The following TTLL5 variants were observed in gnomAD, a reference collection of about 807,000 sequenced individuals.
TTLL5 encodes tubulin polyglutamylase TTLL5.
In TTLL5, 132 loss-of-function variants were observed where a neutral mutation model predicts 168.4. The observed-to-expected ratio is 0.78, with a 90% confidence interval of 0.68 to 0.91. The LOEUF is 0.91. Among genes scored for constraint, TTLL5 ranks in the 40% least tolerant of loss-of-function variants. TTLL5 has a pLI of 0.00. For missense variants in TTLL5, 1,545 were observed against 1,581.5 expected, an observed-to-expected ratio of 0.98 and a Z score of 0.39; for synonymous variants, 546 against 558.6, an observed-to-expected ratio of 0.98 and a Z score of 0.32.
chr14:75,808,294 G>A (rs1005036884), intron 27 of TTLL5, among the ~76,000 whole-genome samples: 7 of 152,124 alleles, frequency 4.6e-5, no homozygotes, highest in Non-Finnish European at 8.8e-5. Flanking sequence ...TTAGTGCTGA[G>A]GTATTGGAAC....
chr14:75,698,905 TAAA>T (rs79334798), intron 6 of TTLL5, among the ~76,000 whole-genome samples: 1 of 139,884 alleles, frequency 7.1e-6, no homozygotes, highest in African/African-American at 2.6e-5. Flanking sequence ...GACCCTGCCT[TAAA>T]AAAAAAAAAA....
At chr14:75,951,188 T>G (rs1366015549) in intron 31 of TTLL5, among the ~76,000 whole-genome samples, 1 of 150,314 alleles carries the variant, frequency 6.7e-6, no homozygotes, top group Non-Finnish European at 1.5e-5. Flanking sequence ...TGCAAAAAAA[T>G]AGAGAAAAAA....
At chr14:75,932,389 G>T (rs551855091) in intron 31 of TTLL5, among the ~76,000 whole-genome samples, 1 of 152,260 alleles carries the variant, frequency 6.6e-6, no homozygotes, top group East Asian at 1.9e-4. Context: ...AAATCATTTA[G>T]AATTGACTCA....
intron 30 of TTLL5, chr14:75,886,876 G>A: frequency 6.7e-7 from 1 of 1,481,686 alleles, no homozygotes; most frequent in Non-Finnish European, 8.9e-7. Context: ...AACCTGAGGA[G>A]ATTGAAGTTT....
At chr14:75,727,224 G>A (rs1888240207) in intron 12 of TTLL5, among the ~76,000 whole-genome samples, 2 of 152,092 alleles carry the variant, frequency 1.3e-5, no homozygotes, top group African/African-American at 2.4e-5. Context: ...ATGTTTATAC[G>A]AATATCTGTA....
At chr14:75,904,078 C>T in intron 31 of TTLL5, 8 of 1,223,416 alleles carry the variant, frequency 6.5e-6, no homozygotes, top group South Asian at 2.9e-5. Context: ...CCTGCTCATG[C>T]CCCAGTTCCC....
intron 15 of TTLL5, among the ~76,000 whole-genome samples, chr14:75,742,251 A>T (rs1188768512): frequency 2.6e-5 from 4 of 151,922 alleles, no homozygotes; most frequent in African/African-American, 9.7e-5. Flanking sequence ...TTTGTTTCTT[A>T]CTCTCTCTTT....
chr14:75,870,072 G>T (rs560438875), intron 29 of TTLL5, among the ~76,000 whole-genome samples: 2 of 151,776 alleles, frequency 1.3e-5, no homozygotes, highest in Non-Finnish European at 2.9e-5. Flanking sequence ...ACCCACCTTC[G>T]CCTCCAAAAG....
At chr14:75,901,118 C>G (rs1004787368) in intron 30 of TTLL5, among the ~76,000 whole-genome samples, 9 of 151,922 alleles carry the variant, frequency 5.9e-5, no homozygotes, top group African/African-American at 1.9e-4. Flanking sequence ...GGCAGATAGA[C>G]CCAACAAAAA....
intron 24 of TTLL5, among the ~76,000 whole-genome samples, chr14:75,781,920 G>C (rs10151856): frequency 0.013 from 1,863 of 141,606 alleles, 30 homozygotes; most frequent in African/African-American, 0.033. Flanking sequence ...GCGCAATTGC[G>C]CTCCAGCCTA....
At chr14:75,809,385 C>T (rs1395085187) in intron 27 of TTLL5, among the ~76,000 whole-genome samples, 10 of 152,062 alleles carry the variant, frequency 6.6e-5, no homozygotes, top group Non-Finnish European at 1.5e-4. Context: ...TTATATATTT[C>T]AGTGATAGCC....
At chr14:75,799,423 A>T (rs1893164237) in intron 27 of TTLL5, among the ~76,000 whole-genome samples, 1 of 152,102 alleles carries the variant, frequency 6.6e-6, no homozygotes, top group African/African-American at 2.4e-5. Flanking sequence ...AAGACAGCAG[A>T]TTTTGTATCT....
chr14:75,921,511 G>A (rs962987071), intron 31 of TTLL5, among the ~76,000 whole-genome samples: 3 of 152,132 alleles, frequency 2.0e-5, no homozygotes, highest in African/African-American at 4.8e-5. Flanking sequence ...TTTTTGTCAG[G>A]TTTGTCAAAG....
At chr14:75,743,465 G>T (rs1889389907) in intron 15 of TTLL5, among the ~76,000 whole-genome samples, 1 of 150,720 alleles carries the variant, frequency 6.6e-6, no homozygotes, top group African/African-American at 2.4e-5. Context: ...TCTTTTTTCT[G>T]TTGGCTTATA....
At chr14:75,795,132 A>G (rs1047059774) in intron 27 of TTLL5, among the ~76,000 whole-genome samples, 3 of 151,960 alleles carry the variant, frequency 2.0e-5, no homozygotes, top group Non-Finnish European at 2.9e-5. Context: ...AGTTCACTCT[A>G]CTGTTCTCCT....
At chr14:75,679,154 A>G (rs545727235) in intron 3 of TTLL5, among the ~76,000 whole-genome samples, 2 of 152,340 alleles carry the variant, frequency 1.3e-5, no homozygotes, top group African/African-American at 2.4e-5. Context: ...TAAGGTTTAG[A>G]TGGAATTAAA....
intron 5 of TTLL5, among the ~76,000 whole-genome samples, chr14:75,688,963 G>A (rs1336442419): frequency 6.6e-6 from 1 of 152,154 alleles, no homozygotes; most frequent in Non-Finnish European, 1.5e-5. Flanking sequence ...TTTTCAAAAG[G>A]TTTAACTTAA....
At chr14:75,873,884 T>C (rs372856091) in intron 29 of TTLL5, among the ~76,000 whole-genome samples, 7 of 152,238 alleles carry the variant, frequency 4.6e-5, no homozygotes, top group African/African-American at 1.7e-4. Context: ...GAAACAGAAA[T>C]TGATTAAAAT....
intron 17 of TTLL5, 23 bp from the exon 18 acceptor site, chr14:75,752,870 C>G (rs758814161): frequency 3.7e-6 from 6 of 1,608,782 alleles, no homozygotes; most frequent in Non-Finnish European, 5.1e-6. Context: ...AAGAAATAAC[C>G]AGTTTCTTTC....
Sources: gnomAD v4.1 joint callset for allele counts (sites outside exome capture counted in the v4.1 genomes callset) on GRCh38, gnomAD v4.1.1 for gene constraint, MANE v1.5 for transcripts, NCBI Gene and HGNC (gene_info 2026-07-23, HGNC 2026-07-21) for gene names.